The following KSR2 variants were observed in gnomAD, a reference collection of about 807,000 sequenced individuals.
KSR2 encodes kinase suppressor of ras 2.
KSR2 carries 25 observed loss-of-function variants against 107.8 expected under a neutral mutation model. That is an observed-to-expected ratio of 0.23 (90% CI 0.17 to 0.32). The LOEUF is 0.32. Ranked by LOEUF, KSR2 falls within the 10% of genes least tolerant of loss-of-function variation. KSR2 has a pLI of 1.00. For synonymous variants in KSR2, 480 were observed against 507.0 expected (o/e 0.95, Z 0.71); for missense variants, 887 against 1,268.9 (o/e 0.70, Z 4.57).
intron 4 of KSR2, among the ~76,000 whole-genome samples, chr12:117,751,639 G>A (rs1408356350): frequency 6.6e-6 from 1 of 152,136 alleles, no homozygotes; most frequent in Admixed American, 6.5e-5. Context: ...AGACACCCTG[G>A]CAGCCATGAA....
At chr12:117,623,859 G>A (rs938746879) in intron 5 of KSR2, among the ~76,000 whole-genome samples, 5 of 150,946 alleles carry the variant, frequency 3.3e-5, no homozygotes, top group South Asian at 2.1e-4. Flanking sequence ...GTGTAAAAGC[G>A]TTCCTATTTC....
chr12:117,469,658 C>T lies in KSR2; in HGVS notation c.2846+4G>A, dbSNP rs1442851788. On this transcript the variant is annotated splice_donor_region_variant and intron_variant, in intron 19 of 19. Coordinates refer to ENST00000339824, the MANE Select transcript of KSR2 (RefSeq NM_173598.6). Reference sequence around the variant, plus strand: ...GGGGAGAGACATTAAGGGAGAAAACCTACTCTGCAGACTTCCAGAAATGTC... The same window carrying T: ...GGGGAGAGACATTAAGGGAGAAAACTTACTCTGCAGACTTCCAGAAATGTC... The T allele has an allele frequency of 1.9e-6, 3 of 1,611,816 alleles. No individual in the cohort carries two copies. The highest frequency in any genetic ancestry group is 2.7e-5 in the African/African-American group (2 of 75,002).
chr12:117,558,900 G>A lies in KSR2; in HGVS notation c.1326-327C>T, dbSNP rs188191938. Among the ~76,000 whole-genome samples, 7 of 152,150 alleles carry A rather than the reference G, an allele frequency of 4.6e-5. No homozygotes were observed. The East Asian group carries it at 5.8e-4, about 13-fold the overall frequency. ...TGGATAAATGGGTAGGTGGATGGAC[G>A]GGTGGGTGGATGAGTGGGTGGATGG... is the stretch of plus-strand genomic sequence containing the variant. On this transcript the variant is annotated intron_variant, in intron 7 of 19. Transcript: ENST00000339824.
Position 117,694,058 on chromosome 12 carries a change from G to A in KSR2, c.987-26400C>T, listed in dbSNP as rs374294311. Among the ~76,000 whole-genome samples the A allele has an allele frequency of 1.8e-4, 28 of 152,116 alleles. 1 individual carries two copies. Among genetic ancestry groups the A allele is most frequent in the African/African-American group, 5.3e-4 (22 of 41,476 alleles). The stretch of plus-strand genomic sequence containing the variant: ...ACCAAAGGACACTACAAAAAGGTGT[G>A]GAGGAGGTGGAGAAACAGGAACCCC... On this transcript the variant is annotated intron_variant, in intron 4 of 19. Transcript: ENST00000339824.
intron 1 of KSR2, among the ~76,000 whole-genome samples, chr12:117,888,204 C>A (rs977389534): frequency 6.6e-6 from 1 of 152,166 alleles, no homozygotes; most frequent in Non-Finnish European, 1.5e-5. Context: ...CACTTTCAAC[C>A]ATTCTCTTGG....
intron 1 of KSR2, among the ~76,000 whole-genome samples, chr12:117,962,149 A>T (rs1339286113): frequency 5.5e-5 from 2 of 36,620 alleles, no homozygotes. Context: ...TGTCTCTTTA[A>T]AAAAAAAAAA....
chr12:117,921,532 G>A (rs754317324), intron 1 of KSR2, among the ~76,000 whole-genome samples: 1 of 152,074 alleles, frequency 6.6e-6, no homozygotes, highest in Non-Finnish European at 1.5e-5. Flanking sequence ...TTCTAATCAA[G>A]GCAGTTAACA....
At chr12:117,858,859 C>T (rs1463263188) in intron 2 of KSR2, among the ~76,000 whole-genome samples, 1 of 152,222 alleles carries the variant, frequency 6.6e-6, no homozygotes, top group Non-Finnish European at 1.5e-5. Flanking sequence ...TGCGAGGAGG[C>T]TGAACAGTCT....
At chr12:117,700,759 G>A (rs61239513) in intron 4 of KSR2, among the ~76,000 whole-genome samples, 2,071 of 152,322 alleles carry the variant, frequency 0.014, 43 homozygotes, top group African/African-American at 0.046. Flanking sequence ...GGGAGCAAAT[G>A]TCAGTATCTC....
At chr12:117,510,197 G>C (rs1873940702) in intron 14 of KSR2, among the ~76,000 whole-genome samples, 1 of 152,194 alleles carries the variant, frequency 6.6e-6, no homozygotes, top group African/African-American at 2.4e-5. Context: ...AAAGCACCAA[G>C]CCCACTGATA....
intron 1 of KSR2, among the ~76,000 whole-genome samples, chr12:117,947,196 A>AAAT (rs1362672123): frequency 1.1e-5 from 1 of 89,280 alleles, no homozygotes; most frequent in Non-Finnish European, 2.3e-5. Flanking sequence ...GAAAAGAAAG[A>AAAT]AAAGAAAGAA....
intron 5 of KSR2, among the ~76,000 whole-genome samples, chr12:117,649,772 G>A (rs976990740): frequency 6.6e-6 from 1 of 152,118 alleles, no homozygotes; most frequent in African/African-American, 2.4e-5. Flanking sequence ...AGTGTCAGGG[G>A]ATGGGAGAAA....
chr12:117,714,757 T>A (rs1224841247), intron 4 of KSR2, among the ~76,000 whole-genome samples: 1 of 152,196 alleles, frequency 6.6e-6, no homozygotes. Flanking sequence ...AAGACATTTT[T>A]GGGTGTCACA....
At chr12:117,603,894 C>T (rs769402148) in intron 5 of KSR2, among the ~76,000 whole-genome samples, 5 of 152,240 alleles carry the variant, frequency 3.3e-5, no homozygotes, top group Non-Finnish European at 7.3e-5. Context: ...GACTCCACTG[C>T]TGATATCAAC....
chr12:117,480,760 G>A (rs754157037), intron 16 of KSR2, among the ~76,000 whole-genome samples: 1 of 152,144 alleles, frequency 6.6e-6, no homozygotes, highest in Non-Finnish European at 1.5e-5. Flanking sequence ...GGGCTTATGA[G>A]GATAAGGAAA....
intron 3 of KSR2, among the ~76,000 whole-genome samples, chr12:117,771,429 G>A (rs7977016): frequency 0.57 from 87,114 of 151,986 alleles, 26,644 homozygotes; most frequent in African/African-American, 0.78. Context: ...TATAAAAGCA[G>A]ACTGTGCTCT....
intron 4 of KSR2, among the ~76,000 whole-genome samples, chr12:117,669,785 T>G (rs1208193745): frequency 1.3e-5 from 2 of 152,028 alleles, no homozygotes; most frequent in Non-Finnish European, 2.9e-5. Context: ...GGAGGATCAC[T>G]AGAGACCAGG....
chr12:117,564,879 G>A (rs2137374351), intron 7 of KSR2, among the ~76,000 whole-genome samples: 1 of 152,298 alleles, frequency 6.6e-6, no homozygotes, highest in African/African-American at 2.4e-5. Context: ...GTTTTTGAAA[G>A]GCTATTTCTA....
intron 14 of KSR2, among the ~76,000 whole-genome samples, chr12:117,519,514 A>C (rs1874602180): frequency 1.3e-5 from 2 of 152,264 alleles, no homozygotes; most frequent in South Asian, 4.2e-4. Context: ...GATACGAAGC[A>C]CAGATTTACA....
Sources: allele counts gnomAD v4.1 joint callset (sites outside exome capture counted in the v4.1 genomes callset), GRCh38; gene constraint gnomAD v4.1.1; transcripts MANE v1.5; gene names NCBI Gene and HGNC (gene_info 2026-07-23, HGNC 2026-07-21).